The following EIF4EBP1 variants were observed in gnomAD, a reference collection of about 807,000 sequenced individuals.
EIF4EBP1 encodes the protein eukaryotic translation initiation factor 4E-binding protein 1.
EIF4EBP1 carries 5 observed loss-of-function variants against 9.2 expected under a neutral mutation model. The ratio of observed to expected loss-of-function variants is 0.54; its 90% confidence interval spans 0.28 to 1.14. The LOEUF is 1.14. Ranked by LOEUF, EIF4EBP1 falls within the 50% of genes most tolerant of loss-of-function variation. The pLI is 0.09. For missense variants in EIF4EBP1, 139 were observed against 169.6 expected, an observed-to-expected ratio of 0.82 and a Z score of 1.00; for synonymous variants, 62 against 67.0, an observed-to-expected ratio of 0.93 and a Z score of 0.36.
chr8:38,054,781 C>T (rs561684723), intron 1 of EIF4EBP1, among the ~76,000 whole-genome samples: 2 of 152,288 alleles, frequency 1.3e-5, no homozygotes, highest in South Asian at 2.1e-4. Context: ...GTCACCCCAG[C>T]CCTGCAAAGA....
chr8:38,050,046 G>T (rs1290981932), intron 1 of EIF4EBP1, among the ~76,000 whole-genome samples: 1 of 151,916 alleles, frequency 6.6e-6, no homozygotes, highest in African/African-American at 2.4e-5. Context: ...TGAATAGCTG[G>T]ACTACAGGTG....
intron 1 of EIF4EBP1, among the ~76,000 whole-genome samples, chr8:38,055,738 T>G (rs1554492837): frequency 6.6e-6 from 1 of 152,116 alleles, no homozygotes; most frequent in Non-Finnish European, 1.5e-5. Context: ...GGCTCACACC[T>G]GTAATCCCAG....
intron 1 of EIF4EBP1, among the ~76,000 whole-genome samples, chr8:38,045,604 C>G (rs950073293): frequency 1.3e-5 from 2 of 151,404 alleles, no homozygotes; most frequent in Non-Finnish European, 2.9e-5. Flanking sequence ...ACTTGGGAGG[C>G]TGAGGCAAGA....
intron 1 of EIF4EBP1, among the ~76,000 whole-genome samples, chr8:38,044,943 G>C (rs1809431454): frequency 6.6e-6 from 1 of 152,154 alleles, no homozygotes; most frequent in African/African-American, 2.4e-5. Flanking sequence ...AACGATTGCT[G>C]TATGCACCTC....
At chr8:38,035,224 A>T (rs1164342521) in intron 1 of EIF4EBP1, among the ~76,000 whole-genome samples, 1 of 151,952 alleles carries the variant, frequency 6.6e-6, no homozygotes, top group Non-Finnish European at 1.5e-5. Flanking sequence ...TTTTATTATT[A>T]TTATTATTTT....
At chr8:38,035,835 G>A (rs571895040) in intron 1 of EIF4EBP1, among the ~76,000 whole-genome samples, 4 of 151,502 alleles carry the variant, frequency 2.6e-5, no homozygotes, top group African/African-American at 4.8e-5. Context: ...TCAGCCTCCC[G>A]AATAGCTGGG....
At chr8:38,030,998 T>C (rs1809209506) in intron 1 of EIF4EBP1, among the ~76,000 whole-genome samples, 3 of 152,184 alleles carry the variant, frequency 2.0e-5, no homozygotes, top group African/African-American at 7.2e-5. Flanking sequence ...GACAGCCACA[T>C]GCCGAGCTGT....
rs1048925 is a variant in EIF4EBP1 at position 38,060,099 on chromosome 8, C to T, written c.*164C>T. 1.4e-6 allele frequency: 1 copy of T among 697,338 alleles called. No homozygotes were observed. Among genetic ancestry groups the T allele is most frequent in the South Asian group, 1.6e-5 (1 of 63,892 alleles). The allele number at this position is 697,338 out of a possible 1,614,324, so 43.2% of individuals were successfully genotyped here. On this transcript the variant is annotated 3_prime_UTR_variant, in exon 3 of 3. Coordinates refer to ENST00000338825, the MANE Select transcript of EIF4EBP1 (RefSeq NM_004095.4). The stretch of plus-strand genomic sequence containing the variant: ...TCACTCAGGGCACCTGCCCCCTCCT[C>T]TTCGTGAACACCAGCAGATACCTCC...
chr8:38,059,336 A>G (rs1049135002), intron 2 of EIF4EBP1, among the ~76,000 whole-genome samples: 9 of 152,066 alleles, frequency 5.9e-5, no homozygotes, highest in Non-Finnish European at 1.2e-4. Context: ...TGCTTCCTCC[A>G]TGTGACATGC....
intron 2 of EIF4EBP1, among the ~76,000 whole-genome samples, chr8:38,057,688 A>G (rs898928539): frequency 3.9e-5 from 6 of 152,206 alleles, no homozygotes; most frequent in African/African-American, 1.4e-4. Context: ...TTATATGTCT[A>G]CAAGATAAGA....
At chr8:38,033,061 T>TC (rs1436336173) in intron 1 of EIF4EBP1, among the ~76,000 whole-genome samples, 1 of 149,456 alleles carries the variant, frequency 6.7e-6, no homozygotes, top group Non-Finnish European at 1.5e-5. Flanking sequence ...TTTCTTTCTT[T>TC]CTTTTTTTTT....
intron 1 of EIF4EBP1, among the ~76,000 whole-genome samples, chr8:38,044,294 C>T (rs558924178): frequency 1.3e-5 from 2 of 152,228 alleles, no homozygotes; most frequent in South Asian, 2.1e-4. Flanking sequence ...CCTATCCAGC[C>T]GCAGAGTATG....
chr8:38,040,652 G>A (rs1809364949), intron 1 of EIF4EBP1, among the ~76,000 whole-genome samples: 1 of 152,200 alleles, frequency 6.6e-6, no homozygotes, highest in South Asian at 2.1e-4. Context: ...GGGCATTGCT[G>A]GGGACAGCTG....
In EIF4EBP1 at chr8:38,057,183, G is replaced by C. The variant is rs1417830311; in HGVS notation, c.248G>C (p.Ser83Thr). 1 of 1,614,224 alleles carries C rather than the reference G, an allele frequency of 6.2e-7. No individual in the cohort carries two copies. Among genetic ancestry groups the C allele is most frequent in the Non-Finnish European group, 8.5e-7 (1 of 1,180,026 alleles). ...CTGCCCACCATTCCGGGGGTCACCA[G>C]CCCTTCCAGTGATGAGCCCCCCATG... is the stretch of plus-strand genomic sequence containing the variant. The part of the protein sequence containing the change: ...RDLPTIPGVT[S>T]PSSDEPPMEA... The change falls in exon 2 of 3, where the codon AGC becomes ACC. Residue 83 changes from serine (S) to threonine (T), a missense_variant. Coordinates refer to ENST00000338825, the MANE Select transcript of EIF4EBP1 (RefSeq NM_004095.4).
At chr8:38,057,322 T>A in intron 2 of EIF4EBP1, 62 bp downstream of exon 2, 1 of 1,514,922 alleles carries the variant, frequency 6.6e-7, no homozygotes, top group Non-Finnish European at 8.8e-7. Context: ...GCTCCTGGAG[T>A]CCATCCACTG....
intron 2 of EIF4EBP1, 65 bp from the exon 3 acceptor site, chr8:38,059,839 G>C (rs1809647775): frequency 1.8e-5 from 24 of 1,370,694 alleles, no homozygotes; most frequent in Non-Finnish European, 2.4e-5. Flanking sequence ...AGCAATGAAA[G>C]AATGGCCTCA....
chr8:38,035,389 T>C (rs1021289062), intron 1 of EIF4EBP1, among the ~76,000 whole-genome samples: 3 of 151,766 alleles, frequency 2.0e-5, no homozygotes, highest in Non-Finnish European at 2.9e-5. Flanking sequence ...GGCTAATTTT[T>C]GTATTTTTAT....
chr8:38,056,313 C>G (rs897254744), intron 1 of EIF4EBP1, among the ~76,000 whole-genome samples: 2 of 152,138 alleles, frequency 1.3e-5, no homozygotes, highest in Admixed American at 6.6e-5. Context: ...TTTTACTACT[C>G]TGGTTGAATC....
At chr8:38,030,773 G>A in intron 1 of EIF4EBP1, 55 bp downstream of exon 1, 3 of 1,374,068 alleles carry the variant, frequency 2.2e-6, no homozygotes, top group Non-Finnish European at 2.8e-6. Flanking sequence ...CGGGAGGATC[G>A]GGAATCGCGG....
Sources: gnomAD v4.1 joint callset for allele counts (sites outside exome capture counted in the v4.1 genomes callset) on GRCh38, gnomAD v4.1.1 for gene constraint, MANE v1.5 for transcripts, NCBI Gene and HGNC (gene_info 2026-07-23, HGNC 2026-07-21) for gene names.